LRRC4C: variants seen among roughly 807,000 people sequenced by gnomAD.
The protein encoded by LRRC4C is leucine-rich repeat-containing protein 4C.
Under a neutral mutation model 33.6 loss-of-function variants are expected in LRRC4C, and 5 were observed. The ratio of observed to expected loss-of-function variants is 0.15; its 90% CI spans 0.08 to 0.31. The LOEUF is 0.31. LRRC4C is among the 10% of genes least tolerant of loss of function. The probability of loss-of-function intolerance (pLI) is 1.00; values close to 1 mark genes in which losing one functional copy is unlikely to be tolerated. For missense variants in LRRC4C, 560 were observed against 796.7 expected (o/e 0.70, Z 3.58); for synonymous variants, 329 against 302.0 (o/e 1.09, Z -0.93).
intron 1 of LRRC4C, among the ~76,000 whole-genome samples, chr11:40,944,258 T>A (rs530221465): frequency 6.6e-6 from 1 of 152,320 alleles, no homozygotes; most frequent in Non-Finnish European, 1.5e-5. Flanking sequence ...CACAGATGCC[T>A]TAGCAATAGA....
chr11:40,876,709 A>AGC (rs1389023342), intron 2 of LRRC4C, among the ~76,000 whole-genome samples: 9 of 151,692 alleles, frequency 5.9e-5, no homozygotes, highest in African/African-American at 9.7e-5. Flanking sequence ...TTGAGACCTT[A>AGC]CTGGCCAACT....
chr11:40,377,956 T>G (rs1376776055), intron 3 of LRRC4C, among the ~76,000 whole-genome samples: 1 of 152,060 alleles, frequency 6.6e-6, no homozygotes, highest in East Asian at 1.9e-4. Context: ...GTACAAAATG[T>G]CAATACTACT....
At chr11:40,204,552 T>C (rs1418528301) in intron 5 of LRRC4C, among the ~76,000 whole-genome samples, 1 of 152,178 alleles carries the variant, frequency 6.6e-6, no homozygotes, top group African/African-American at 2.4e-5. Flanking sequence ...ACAGCATCGC[T>C]ATCTCCCAGT....
chr11:40,958,715 C>T (rs141927046), intron 1 of LRRC4C, among the ~76,000 whole-genome samples: 3 of 151,846 alleles, frequency 2.0e-5, no homozygotes, highest in African/African-American at 7.2e-5. Flanking sequence ...TCTCTAAAAG[C>T]ATTTAGTCTA....
intron 2 of LRRC4C, among the ~76,000 whole-genome samples, chr11:40,773,356 T>A (rs960919260): frequency 6.6e-6 from 1 of 152,022 alleles, no homozygotes; most frequent in African/African-American, 2.4e-5. Flanking sequence ...TAAAAGGGTA[T>A]AACAGAAATT....
chr11:40,495,034 ATAT>A (rs1279220524), intron 3 of LRRC4C, among the ~76,000 whole-genome samples: 1 of 152,204 alleles, frequency 6.6e-6, no homozygotes. Flanking sequence ...GAGAGCATGA[ATAT>A]TATTAACATT....
intron 1 of LRRC4C, among the ~76,000 whole-genome samples, chr11:41,371,115 C>T (rs1481224156): frequency 6.6e-6 from 1 of 151,908 alleles, no homozygotes; most frequent in African/African-American, 2.4e-5. Flanking sequence ...TTCTCAGCCG[C>T]CTTGATATAT....
At chr11:40,122,219 TC>T (rs1277326511) in intron 6 of LRRC4C, among the ~76,000 whole-genome samples, 1 of 152,178 alleles carries the variant, frequency 6.6e-6, no homozygotes, top group African/African-American at 2.4e-5. Flanking sequence ...TGAAAAACCT[TC>T]CTAGACTCAT....
intron 2 of LRRC4C, among the ~76,000 whole-genome samples, chr11:40,665,015 A>G (rs565939652): frequency 6.7e-6 from 1 of 150,014 alleles, no homozygotes; most frequent in African/African-American, 2.5e-5. Flanking sequence ...ATGAGTGAGA[A>G]AATGCGGTGT....
chr11:40,309,559 G>A (rs958848544), intron 4 of LRRC4C, among the ~76,000 whole-genome samples: 3 of 150,692 alleles, frequency 2.0e-5, no homozygotes, highest in African/African-American at 7.3e-5. Flanking sequence ...TTGCTGGAGT[G>A]CAATTGCACA....
intron 1 of LRRC4C, among the ~76,000 whole-genome samples, chr11:40,994,954 ACTT>A (rs1231055554): frequency 1.3e-5 from 2 of 152,110 alleles, no homozygotes; most frequent in Non-Finnish European, 2.9e-5. Context: ...ATAAAATGTG[ACTT>A]CTTTACACAG....
At chr11:40,445,521 A>G (rs1409360520) in intron 3 of LRRC4C, 2 of 154,524 alleles carry the variant, frequency 1.3e-5, no homozygotes, top group Non-Finnish European at 2.9e-5. Flanking sequence ...GTTTTTTCCA[A>G]GTTTGGATGC....
chr11:40,392,683 T>C (rs1056573189), intron 3 of LRRC4C, among the ~76,000 whole-genome samples: 1 of 152,026 alleles, frequency 6.6e-6, no homozygotes, highest in Non-Finnish European at 1.5e-5. Flanking sequence ...CTTTAAGTAC[T>C]AGAAAAAAAA....
At chr11:41,159,388 G>A (rs778485110) in intron 1 of LRRC4C, among the ~76,000 whole-genome samples, 2 of 152,092 alleles carry the variant, frequency 1.3e-5, no homozygotes, top group Non-Finnish European at 2.9e-5. Context: ...AGCAAATTAG[G>A]AAGCTGAAGG....
At chr11:40,919,468 C>G (rs1349639523) in intron 2 of LRRC4C, among the ~76,000 whole-genome samples, 1 of 152,074 alleles carries the variant, frequency 6.6e-6, no homozygotes, top group Non-Finnish European at 1.5e-5. Flanking sequence ...AAACGTCAGC[C>G]CCTCTGAAAA....
At chr11:41,125,718 CATG>C (rs1233257638) in intron 1 of LRRC4C, among the ~76,000 whole-genome samples, 3 of 152,004 alleles carry the variant, frequency 2.0e-5, no homozygotes, top group Admixed American at 6.6e-5. Flanking sequence ...GTGTGGTAGA[CATG>C]ATATTATATG....
chr11:40,354,445 G>C (rs1433358610), intron 3 of LRRC4C, among the ~76,000 whole-genome samples: 1 of 152,154 alleles, frequency 6.6e-6, no homozygotes, highest in Non-Finnish European at 1.5e-5. Flanking sequence ...GCTGGCCCAG[G>C]TTAGAGACAG....
rs147521732 is a variant in LRRC4C, at chr11:40,968,749, C to T, written c.-495-35026G>A. 4.5e-3 allele frequency among the ~76,000 whole-genome samples: 691 copies of T among 152,158 alleles called. 6 individuals carry two copies. The highest frequency in any genetic ancestry group is 0.016 in the African/African-American group (649 of 41,528). On this transcript the variant is annotated intron_variant, in intron 1 of 6. Transcript: ENST00000528697. ...GAATATTTTAAGCCCACTTTTGAGACCTACTGTTTAGAAAAAAAATGAATC... is the reference window on the plus strand; with the variant it reads ...GAATATTTTAAGCCCACTTTTGAGATCTACTGTTTAGAAAAAAAATGAATC...
intron 1 of LRRC4C, among the ~76,000 whole-genome samples, chr11:41,085,627 T>C (rs984368664): frequency 4.6e-5 from 7 of 152,142 alleles, no homozygotes; most frequent in African/African-American, 1.7e-4. Context: ...GCCATTCTTG[T>C]TATGCTTCAG....
Sources: gnomAD v4.1 joint callset for allele counts (sites outside exome capture counted in the v4.1 genomes callset) on GRCh38, gnomAD v4.1.1 for gene constraint, MANE v1.5 for transcripts, NCBI Gene and HGNC (gene_info 2026-07-23, HGNC 2026-07-21) for gene names.